Variants in EIF4G3 observed in about 807,000 individuals in gnomAD.
EIF4G3 encodes eukaryotic translation initiation factor 4 gamma 3, also known as eIF-4-gamma 3.
In EIF4G3, 34 loss-of-function variants were observed where a neutral mutation model predicts 186.4. That is an observed-to-expected ratio of 0.18 (90% CI 0.14 to 0.24). The LOEUF is 0.24. EIF4G3 is among the 10% of genes least tolerant of loss of function. EIF4G3 has a pLI of 1.00. For missense variants in EIF4G3, 1,536 were observed against 1,948.5 expected (o/e 0.79, Z 3.99); for synonymous variants, 673 against 679.5 (o/e 0.99, Z 0.15).
chr1:20,969,399 G>C (rs1002245182), intron 12 of EIF4G3, 75 bp downstream of exon 12: 1 of 1,535,740 alleles, frequency 6.5e-7, no homozygotes, highest in African/African-American at 1.4e-5. Context: ...ACAGAAAGTG[G>C]CTATAGAAGA....
intron 3 of EIF4G3, among the ~76,000 whole-genome samples, chr1:21,084,012 T>A (rs1279300225): frequency 6.6e-6 from 1 of 152,014 alleles, no homozygotes; most frequent in Non-Finnish European, 1.5e-5. Flanking sequence ...TTCTCCTTAC[T>A]CCCATTTCAA....
intron 7 of EIF4G3, among the ~76,000 whole-genome samples, chr1:20,993,290 G>A (rs1183457187): frequency 6.6e-6 from 1 of 152,042 alleles, no homozygotes; most frequent in Non-Finnish European, 1.5e-5. Flanking sequence ...AAGTTCCAAG[G>A]AATACACTCA....
chr1:21,132,156 T>G (rs918526365), intron 2 of EIF4G3, among the ~76,000 whole-genome samples: 31 of 152,096 alleles, frequency 2.0e-4, no homozygotes, highest in African/African-American at 6.8e-4. Context: ...TCAATAAACA[T>G]AGCCAAAGTG....
At position 21,138,661 on chromosome 1, in the gene EIF4G3, T is replaced by C. The variant is rs113665998; in HGVS notation, c.-272+37514A>G. On this transcript the variant is annotated intron_variant, in intron 2 of 36. Transcript: ENST00000602326. ...GGCCAAACCCCGTCTCTACTAAAAATATAGCCAGGCATGATGGCACACGCC... is the reference window on the plus strand; with the variant it reads ...GGCCAAACCCCGTCTCTACTAAAAACATAGCCAGGCATGATGGCACACGCC... 8.6e-3 allele frequency among the ~76,000 whole-genome samples: 1,310 copies of C among 151,898 alleles called. 6 individuals carry two copies. Among genetic ancestry groups the C allele is most frequent in the Non-Finnish European group, 0.013 (868 of 67,948 alleles).
chr1:21,120,412 A>G (rs1396381662), intron 2 of EIF4G3, among the ~76,000 whole-genome samples: 2 of 151,998 alleles, frequency 1.3e-5, no homozygotes, highest in African/African-American at 4.8e-5. Context: ...CTGTAATCCC[A>G]GCACTTTGGG....
intron 14 of EIF4G3, among the ~76,000 whole-genome samples, chr1:20,940,885 G>A (rs2095687084): frequency 6.6e-6 from 1 of 152,062 alleles, no homozygotes; most frequent in African/African-American, 2.4e-5. Context: ...AATACTCCAA[G>A]GATATTAATG....
At chr1:20,900,710 T>C (rs558550637) in intron 15 of EIF4G3, among the ~76,000 whole-genome samples, 29 of 152,268 alleles carry the variant, frequency 1.9e-4, no homozygotes, top group Non-Finnish European at 3.8e-4. Context: ...AAGTTCTCTG[T>C]GAACTCTTTT....
intron 2 of EIF4G3, among the ~76,000 whole-genome samples, chr1:21,154,001 G>T (rs1274612207): frequency 2.0e-5 from 3 of 152,288 alleles, no homozygotes; most frequent in African/African-American, 7.2e-5. Flanking sequence ...ATTTTTCTTA[G>T]TTAAAGGTTA....
chr1:20,891,787 C>T (rs1373576438), intron 18 of EIF4G3, among the ~76,000 whole-genome samples: 1 of 146,336 alleles, frequency 6.8e-6, no homozygotes, highest in South Asian at 2.2e-4. Flanking sequence ...GACACTCTGT[C>T]TCAAAAAAAA....
chr1:21,021,690 G>C (rs2090744008), intron 4 of EIF4G3, among the ~76,000 whole-genome samples: 2 of 152,076 alleles, frequency 1.3e-5, no homozygotes, highest in Non-Finnish European at 2.9e-5. Flanking sequence ...CAAGTAGCTG[G>C]GACTACAGGC....
intron 10 of EIF4G3, among the ~76,000 whole-genome samples, chr1:20,974,527 A>G (rs1215613637): frequency 6.6e-6 from 1 of 152,220 alleles, no homozygotes; most frequent in Non-Finnish European, 1.5e-5. Context: ...AGAGAGGTGA[A>G]GAGTGTGAAG....
chr1:21,126,880 T>C (rs1158221240), intron 2 of EIF4G3, among the ~76,000 whole-genome samples: 1 of 152,138 alleles, frequency 6.6e-6, no homozygotes, highest in Non-Finnish European at 1.5e-5. Context: ...ATGCATATCC[T>C]CCCTGCATAC....
At chr1:21,160,364 T>G (rs1449331375) in intron 2 of EIF4G3, among the ~76,000 whole-genome samples, 1 of 152,148 alleles carries the variant, frequency 6.6e-6, no homozygotes. Flanking sequence ...AAAGTCACAA[T>G]TGGGCAACCA....
intron 14 of EIF4G3, among the ~76,000 whole-genome samples, chr1:20,924,507 G>A (rs1413567781): frequency 4.6e-5 from 7 of 152,184 alleles, no homozygotes; most frequent in Non-Finnish European, 8.8e-5. Flanking sequence ...GGTACCTTTC[G>A]AAATTTGACA....
intron 8 of EIF4G3, among the ~76,000 whole-genome samples, chr1:20,981,822 A>G (rs1402698111): frequency 6.6e-6 from 1 of 152,016 alleles, no homozygotes; most frequent in Non-Finnish European, 1.5e-5. Context: ...ATACATACAT[A>G]TATGTATAAT....
intron 14 of EIF4G3, among the ~76,000 whole-genome samples, chr1:20,905,458 A>C (rs1002405065): frequency 2.0e-5 from 3 of 152,274 alleles, no homozygotes; most frequent in South Asian, 4.1e-4. Context: ...TCTAGACAAC[A>C]AAAGGATACT....
chr1:20,871,178 G>A (rs2079101889), intron 20 of EIF4G3, among the ~76,000 whole-genome samples: 1 of 152,192 alleles, frequency 6.6e-6, no homozygotes, highest in Admixed American at 6.5e-5. Context: ...ATGGAGGTGT[G>A]CAATCAATGT....
intron 3 of EIF4G3, among the ~76,000 whole-genome samples, chr1:21,061,675 A>G (rs932961745): frequency 3.3e-5 from 5 of 152,080 alleles, no homozygotes; most frequent in Non-Finnish European, 7.4e-5. Flanking sequence ...TGTCAATGTC[A>G]ATTGTTACAT....
chr1:20,850,958 C>T (rs1231180544), intron 28 of EIF4G3, among the ~76,000 whole-genome samples: 2 of 152,126 alleles, frequency 1.3e-5, no homozygotes, highest in African/African-American at 4.8e-5. Context: ...CTAACAGCAA[C>T]GTCAAGTGTG....
Sources: gnomAD v4.1 joint callset for allele counts (sites outside exome capture counted in the v4.1 genomes callset) on GRCh38, gnomAD v4.1.1 for gene constraint, MANE v1.5 for transcripts, NCBI Gene and HGNC (gene_info 2026-07-23, HGNC 2026-07-21) for gene names.